Variants in PPP1R1C observed in about 807,000 individuals in gnomAD.
The protein encoded by PPP1R1C is protein phosphatase 1 regulatory subunit 1C.
PPP1R1C carries 15 observed loss-of-function variants against 17.4 expected under a neutral mutation model. That is an observed-to-expected ratio of 0.86 (90% CI 0.58 to 1.33). The LOEUF (loss-of-function observed/expected upper bound fraction) is 1.33. Ranked by LOEUF, PPP1R1C falls within the 40% of genes most tolerant of loss-of-function variation. The pLI, the probability that PPP1R1C is intolerant of heterozygous loss-of-function variation, is 0.00. For missense variants in PPP1R1C, 143 were observed against 130.0 expected, an observed-to-expected ratio of 1.10 and a Z score of -0.48; for synonymous variants, 35 against 43.1, an observed-to-expected ratio of 0.81 and a Z score of 0.73.
At chr2:182,088,757 A>C (rs1472294045) in intron 4 of PPP1R1C, among the ~76,000 whole-genome samples, 1 of 152,192 alleles carries the variant, frequency 6.6e-6, no homozygotes, top group Non-Finnish European at 1.5e-5. Context: ...TTCTTCCCTT[A>C]GTCCTATGTG....
chr2:182,073,081 G>A (rs567901634), intron 4 of PPP1R1C, among the ~76,000 whole-genome samples: 1 of 145,194 alleles, frequency 6.9e-6, no homozygotes, highest in East Asian at 2.0e-4. Context: ...AATAATACGT[G>A]GTTTCTGGCC....
intron 4 of PPP1R1C, among the ~76,000 whole-genome samples, chr2:182,069,261 C>A (rs1192239265): frequency 6.6e-6 from 1 of 151,682 alleles, no homozygotes; most frequent in African/African-American, 2.4e-5. Flanking sequence ...TAAATATATA[C>A]AAGTCTCGCT....
intron 2 of PPP1R1C, among the ~76,000 whole-genome samples, chr2:182,038,164 A>G (rs147354079): frequency 0.019 from 2,832 of 152,034 alleles, 75 homozygotes; most frequent in African/African-American, 0.065. Context: ...CAGTCTCCCA[A>G]GTAGCTGGGA....
At chr2:182,016,350 G>T (rs1686262804) in intron 2 of PPP1R1C, among the ~76,000 whole-genome samples, 1 of 152,250 alleles carries the variant, frequency 6.6e-6, no homozygotes, top group African/African-American at 2.4e-5. Context: ...TTGCTCATTT[G>T]ATTTTTGGTT....
chr2:182,072,567 A>G (rs1282822880), intron 4 of PPP1R1C, among the ~76,000 whole-genome samples: 1 of 152,156 alleles, frequency 6.6e-6, no homozygotes, highest in African/African-American at 2.4e-5. Context: ...TTACAAAACT[A>G]AGTCATGACC....
rs1380371580 is a variant in PPP1R1C, at chr2:181,967,700, CTCTT to C, written n.112-7508_112-7505del. Among the ~76,000 whole-genome samples, 1 of 149,796 alleles carries C rather than the reference CTCTT, an allele frequency of 6.7e-6. No homozygotes were observed. The highest frequency in any genetic ancestry group is 1.5e-5 in the Non-Finnish European group (1 of 67,384). On this transcript the variant is annotated intron_variant and non_coding_transcript_variant, in intron 1 of 5. Transcript: ENST00000464264. This position sits in a 1 kb window ranked among gnomAD's most constrained non-coding sequence, Gnocchi z 5.5. ...CTTTCCTTCCTTCCTTCCTTTCTTT[CTCTT>C]TCTTTCTTTCATTCTTTCTTTCTTT...
rs561231935 is a variant in PPP1R1C at position 182,032,387 on chromosome 2, G to A, written c.143-29055G>A. On this transcript the variant is annotated intron_variant, in intron 2 of 4. Transcript: ENST00000682840. ...ACCCATTACTCTGCACTACTGGTTC[G>A]TTTTTCCATAATACTTATTACCATC... Among the ~76,000 whole-genome samples, 16 of 152,160 alleles carry A rather than the reference G, an allele frequency of 1.1e-4. No homozygotes were observed. In the East Asian group the frequency reaches 2.5e-3, roughly 24 times the overall value.
intron 4 of PPP1R1C, among the ~76,000 whole-genome samples, chr2:182,114,264 G>T (rs894095106): frequency 3.9e-5 from 6 of 152,152 alleles, no homozygotes; most frequent in African/African-American, 1.4e-4. Flanking sequence ...CAAACCCTGT[G>T]CAGGGGAGGG....
At chr2:182,052,049 T>C (rs1687538066) in intron 2 of PPP1R1C, among the ~76,000 whole-genome samples, 1 of 152,150 alleles carries the variant, frequency 6.6e-6, no homozygotes, top group Admixed American at 6.5e-5. Context: ...CTTAATATTT[T>C]TGACAAAATT....
intron 5 of PPP1R1C, among the ~76,000 whole-genome samples, chr2:182,128,794 G>A (rs1383548820): frequency 6.6e-6 from 1 of 151,920 alleles, no homozygotes; most frequent in East Asian, 1.9e-4. Context: ...AGTTCTTCCA[G>A]GAAAACTTTC....
At chr2:181,991,958 T>C (rs1191245561) in intron 2 of PPP1R1C, among the ~76,000 whole-genome samples, 1 of 152,224 alleles carries the variant, frequency 6.6e-6, no homozygotes, top group Non-Finnish European at 1.5e-5. Flanking sequence ...ATTTATTCCA[T>C]CACATCTATA....
chr2:181,985,333 G>A (rs1336812788), upstream of PPP1R1C, among the ~76,000 whole-genome samples: 2 of 152,176 alleles, frequency 1.3e-5, no homozygotes, highest in Admixed American at 6.5e-5. This position sits in a 1 kb window ranked among gnomAD's most constrained non-coding sequence, Gnocchi z 4.1. Flanking sequence ...AGGCCTAGAC[G>A]TAGCCAGTAA....
intron 4 of PPP1R1C, among the ~76,000 whole-genome samples, chr2:182,116,930 T>G (rs576901036): frequency 6.6e-6 from 1 of 152,270 alleles, no homozygotes; most frequent in African/African-American, 2.4e-5. Context: ...GAGCAGATTT[T>G]TAGTTAACAG....
chr2:181,985,732 G>A (rs773281980), upstream of PPP1R1C: 45 of 263,186 alleles, frequency 1.7e-4, no homozygotes, highest in Non-Finnish European at 2.9e-4. This position sits in a 1 kb window ranked among gnomAD's most constrained non-coding sequence, Gnocchi z 4.1. Flanking sequence ...AATGTACAGT[G>A]GATAGAGCCT....
intron 2 of PPP1R1C, among the ~76,000 whole-genome samples, chr2:182,037,336 GGAA>G (rs1687041601): frequency 1.3e-5 from 2 of 152,106 alleles, no homozygotes; most frequent in Non-Finnish European, 2.9e-5. Context: ...TCTAGGCTCA[GGAA>G]GCACTTTGGG....
intron 4 of PPP1R1C, among the ~76,000 whole-genome samples, chr2:182,092,058 A>T (rs999462926): frequency 1.4e-4 from 21 of 152,344 alleles, no homozygotes; most frequent in African/African-American, 5.1e-4. Context: ...CCTACAAAGT[A>T]GGAATAATTA....
At chr2:182,000,611 A>G (rs1685734181) in intron 2 of PPP1R1C, among the ~76,000 whole-genome samples, 1 of 152,136 alleles carries the variant, frequency 6.6e-6, no homozygotes, top group Non-Finnish European at 1.5e-5. Flanking sequence ...CATTAGAGAT[A>G]TTATCTATAA....
Position 181,961,987 on chromosome 2 carries a change from A to C in PPP1R1C, n.111+7353A>C. ...CCAGCTCTGTCTCATACTTGACTCT[A>C]AAGTCATCGGCTGCAAGACAGGCAT... On this transcript the variant is annotated intron_variant and non_coding_transcript_variant, in intron 1 of 5. Transcript: ENST00000464264. This position sits in a 1 kb window ranked among gnomAD's most constrained non-coding sequence, Gnocchi z 5.8. 1 of 731,888 alleles carries C rather than the reference A, an allele frequency of 1.4e-6. No individual in the cohort carries two copies. Among genetic ancestry groups the C allele is most frequent in the Non-Finnish European group, 2.5e-6 (1 of 396,204 alleles). The allele number at this position is 731,888 out of a possible 1,614,324, so 45.3% of individuals were successfully genotyped here.
chr2:182,080,358 T>A (rs1688438872), intron 4 of PPP1R1C, among the ~76,000 whole-genome samples: 2 of 152,202 alleles, frequency 1.3e-5, no homozygotes, highest in African/African-American at 2.4e-5. Context: ...CCCCATTTGC[T>A]CAGATTCAAA....
Sources: allele counts gnomAD v4.1 joint callset (sites outside exome capture counted in the v4.1 genomes callset), GRCh38; gene constraint gnomAD v4.1.1; non-coding constraint Gnocchi (gnomAD v3.1); transcripts MANE v1.5; gene names NCBI Gene and HGNC (gene_info 2026-07-23, HGNC 2026-07-21).